Variants in TENM3 observed in about 807,000 individuals in gnomAD.
The protein encoded by TENM3 is teneurin transmembrane protein 3.
TENM3 carries 63 observed loss-of-function variants against 255.1 expected under a neutral mutation model. The ratio of observed to expected loss-of-function variants is 0.25; its 90% CI spans 0.20 to 0.30. The LOEUF is 0.30. TENM3 is among the 10% of genes least tolerant of loss of function. TENM3 has a pLI of 1.00. For missense variants in TENM3, 2,929 were observed against 3,461.1 expected, an observed-to-expected ratio of 0.85 and a Z score of 3.86; for synonymous variants, 1,306 against 1,322.3, an observed-to-expected ratio of 0.99 and a Z score of 0.27.
chr4:181,509,396 A>ATTT, the TENM3 span, among the ~76,000 whole-genome samples: 1 of 147,650 alleles, frequency 6.8e-6, no homozygotes, highest in African/African-American at 2.5e-5. Context: ...CTAAGGTGCA[A>ATTT]TTTTTTTTTT....
the TENM3 span, among the ~76,000 whole-genome samples, chr4:181,500,141 G>A: frequency 8.1e-4 from 123 of 151,926 alleles, no homozygotes; most frequent in African/African-American, 1.9e-3. Flanking sequence ...CGATTCTCCC[G>A]TCTCATCCTC....
chr4:181,904,177 T>A, the TENM3 span, among the ~76,000 whole-genome samples: 2 of 152,098 alleles, frequency 1.3e-5, no homozygotes, highest in Non-Finnish European at 2.9e-5. Flanking sequence ...ACGATCTGAC[T>A]GTTTCACATC....
the TENM3 span, among the ~76,000 whole-genome samples, chr4:181,834,420 A>G: frequency 6.6e-6 from 1 of 152,240 alleles, no homozygotes; most frequent in Non-Finnish European, 1.5e-5. Context: ...CTTAATCACC[A>G]GTATTCCAGG....
chr4:182,616,503 C>G (rs1749531233), intron 4 of TENM3, among the ~76,000 whole-genome samples: 2 of 96,224 alleles, frequency 2.1e-5, no homozygotes, highest in Non-Finnish European at 4.0e-5. Context: ...GCACATGTAC[C>G]CTAAAACTTA....
chr4:182,800,196 C>T lies in TENM3; in HGVS notation c.7945C>T (p.Leu2649Phe). Residue 2649 changes from leucine to phenylalanine, a missense_variant, in exon 28 of 28, where the codon CTC becomes TTC. Around this residue, in one of 6 missense-constraint regions of TENM3, gnomAD observed 476 missense variants for 480.1 expected, o/e 0.99. Transcript: ENST00000511685. ...RVRDGEEGAR[L>F]WTEGEKRQLL... ...GCGCGACGGCGAGGAGGGCGCGCGCCTCTGGACGGAGGGCGAGAAGCGGCA... is the reference window on the plus strand; with the variant it reads ...GCGCGACGGCGAGGAGGGCGCGCGCTTCTGGACGGAGGGCGAGAAGCGGCA... 2 of 1,585,586 alleles carry T rather than the reference C, an allele frequency of 1.3e-6. No homozygotes were observed. The highest frequency in any genetic ancestry group is 1.7e-6 in the Non-Finnish European group (2 of 1,173,956).
chr4:181,647,147 T>C, the TENM3 span, among the ~76,000 whole-genome samples: 43 of 152,282 alleles, frequency 2.8e-4, no homozygotes, highest in Non-Finnish European at 4.6e-4. Context: ...GAAAATATGA[T>C]AAAAGTTTCC....
chr4:182,467,132 A>G (rs1444021988), intron 3 of TENM3, among the ~76,000 whole-genome samples: 1 of 152,194 alleles, frequency 6.6e-6, no homozygotes, highest in Non-Finnish European at 1.5e-5. Context: ...GGAGACTGCC[A>G]TACTCTAGTT....
chr4:181,744,561 G>A, the TENM3 span, among the ~76,000 whole-genome samples: 1 of 152,014 alleles, frequency 6.6e-6, no homozygotes, highest in African/African-American at 2.4e-5. Context: ...TATTTTTAAG[G>A]GATATCCCTG....
At chr4:181,653,401 T>A in the TENM3 span, among the ~76,000 whole-genome samples, 2 of 151,996 alleles carry the variant, frequency 1.3e-5, no homozygotes, top group East Asian at 3.9e-4. Flanking sequence ...TTGTTTTGTT[T>A]GTTTGTTTGT....
chr4:182,490,138 C>T lies in TENM3; in HGVS notation c.512-110786C>T, dbSNP rs751892913. On this transcript the variant is annotated intron_variant, in intron 3 of 27. Transcript: ENST00000511685. The stretch of plus-strand genomic sequence containing the variant: ...TATTCCTCTAGAAACTCATGACCAC[C>T]GTTCGGACAATGTAGTATTATAAAT... Among the ~76,000 whole-genome samples, 9 of 152,220 alleles carry T rather than the reference C, an allele frequency of 5.9e-5. No individual in the cohort carries two copies. The South Asian group carries it at 6.2e-4, about 11-fold the overall frequency.
chr4:182,725,220 G>A (rs772909191), intron 13 of TENM3, among the ~76,000 whole-genome samples: 1 of 151,998 alleles, frequency 6.6e-6, no homozygotes, highest in Non-Finnish European at 1.5e-5. Flanking sequence ...CTAACTTTTT[G>A]TAGAGATAGG....
chr4:181,875,784 T>C, the TENM3 span, among the ~76,000 whole-genome samples: 1 of 152,202 alleles, frequency 6.6e-6, no homozygotes. Context: ...GGAGCTTCTG[T>C]TCTCAGTTCC....
intron 3 of TENM3, among the ~76,000 whole-genome samples, chr4:182,468,222 CA>C (rs1298134804): frequency 6.6e-6 from 1 of 151,920 alleles, no homozygotes; most frequent in Non-Finnish European, 1.5e-5. Context: ...ACTGTCTCTA[CA>C]AAAAAATGCA....
chr4:181,677,160 G>A, the TENM3 span, among the ~76,000 whole-genome samples: 3 of 151,812 alleles, frequency 2.0e-5, no homozygotes, highest in African/African-American at 7.3e-5. Flanking sequence ...TGTCCATTGC[G>A]TTCTTTAACA....
intron 3 of TENM3, among the ~76,000 whole-genome samples, chr4:182,419,067 A>T (rs1290664619): frequency 7.2e-5 from 11 of 152,240 alleles, no homozygotes; most frequent in Non-Finnish European, 1.5e-5. Context: ...GACATTCTAT[A>T]TATGAAATTA....
chr4:181,605,540 A>AAGAT, the TENM3 span, among the ~76,000 whole-genome samples: 1 of 33,604 alleles, frequency 3.0e-5, no homozygotes, highest in African/African-American at 8.6e-5. Context: ...GAAAGAAAGA[A>AAGAT]AGAAAGAAAG....
the TENM3 span, among the ~76,000 whole-genome samples, chr4:181,546,820 A>G: frequency 6.6e-6 from 1 of 151,322 alleles, no homozygotes; most frequent in South Asian, 2.1e-4. Flanking sequence ...CATGTCTCCA[A>G]CCTACCTTCC....
intron 12 of TENM3, among the ~76,000 whole-genome samples, chr4:182,699,126 T>C (rs1757652286): frequency 6.6e-6 from 1 of 152,258 alleles, no homozygotes; most frequent in South Asian, 2.1e-4. Flanking sequence ...CAGGAATTTC[T>C]TTCCGGTCTA....
the TENM3 span, among the ~76,000 whole-genome samples, chr4:181,895,851 T>A: frequency 6.6e-6 from 1 of 152,210 alleles, no homozygotes; most frequent in South Asian, 2.1e-4. Context: ...AGCCTGATTG[T>A]ATTCTCTATA....
Sources: allele counts gnomAD v4.1 joint callset (sites outside exome capture counted in the v4.1 genomes callset), GRCh38; gene constraint gnomAD v4.1.1; regional missense constraint gnomAD v4.1.1; transcripts MANE v1.5; gene names NCBI Gene and HGNC (gene_info 2026-07-23, HGNC 2026-07-21).